Variants in HMGCLL1 observed in about 807,000 individuals in gnomAD.
HMGCLL1 encodes 3-hydroxymethyl-3-methylglutaryl-CoA lyase, cytoplasmic.
In HMGCLL1, 36 loss-of-function variants were observed where a neutral mutation model predicts 39.1. The observed-to-expected ratio is 0.92, with a 90% CI of 0.71 to 1.22. The LOEUF (loss-of-function observed/expected upper bound fraction) is 1.22. Ranked by LOEUF, HMGCLL1 falls within the 50% of genes most tolerant of loss-of-function variation. The pLI is 0.00. For synonymous variants in HMGCLL1, 149 were observed against 144.0 expected (o/e 1.03, Z -0.25); for missense variants, 451 against 416.5 (o/e 1.08, Z -0.72).
the HMGCLL1 span, among the ~76,000 whole-genome samples, chr6:55,645,414 G>A: frequency 3.0e-4 from 46 of 151,968 alleles, no homozygotes; most frequent in Non-Finnish European, 2.9e-5. Context: ...GATTGCTCTA[G>A]CTAAGACTTC....
intron 7 of HMGCLL1, among the ~76,000 whole-genome samples, chr6:55,460,005 T>G (rs1045946173): frequency 3.3e-5 from 5 of 152,044 alleles, no homozygotes; most frequent in African/African-American, 1.2e-4. Context: ...GTAAGTACTA[T>G]GGCATTTCTT....
intron 7 of HMGCLL1, among the ~76,000 whole-genome samples, chr6:55,453,210 G>A (rs753345441): frequency 1.3e-5 from 2 of 152,052 alleles, no homozygotes; most frequent in Non-Finnish European, 2.9e-5. Flanking sequence ...ACGGAATCTC[G>A]CTCTGTCGCC....
intron 1 of HMGCLL1, among the ~76,000 whole-genome samples, chr6:55,560,630 C>A (rs1770902140): frequency 6.6e-6 from 1 of 152,106 alleles, no homozygotes; most frequent in African/African-American, 2.4e-5. Flanking sequence ...GAAAAGTAAA[C>A]CTTCCAATCA....
At chr6:55,583,001 A>T (rs2127482694), upstream of HMGCLL1, among the ~76,000 whole-genome samples, 1 of 152,188 alleles carries the variant, frequency 6.6e-6, no homozygotes, top group East Asian at 1.9e-4. Flanking sequence ...GAATCTTTGT[A>T]TGTATAATTA....
At chr6:55,472,546 C>G (rs1004123225) in intron 7 of HMGCLL1, among the ~76,000 whole-genome samples, 1 of 151,364 alleles carries the variant, frequency 6.6e-6, no homozygotes, top group Non-Finnish European at 1.5e-5. Flanking sequence ...TATATTAATT[C>G]AAAATATCTT....
At chr6:55,584,605 A>G in the HMGCLL1 span, among the ~76,000 whole-genome samples, 1 of 152,100 alleles carries the variant, frequency 6.6e-6, no homozygotes, top group Non-Finnish European at 1.5e-5. Flanking sequence ...AGGCAGACTG[A>G]CTATACCAAT....
chr6:55,672,918 T>C, the HMGCLL1 span, among the ~76,000 whole-genome samples: 6 of 152,046 alleles, frequency 3.9e-5, no homozygotes, highest in Admixed American at 3.3e-4. Context: ...ACACTAATAT[T>C]GGAATTTTTT....
chr6:55,495,628 C>A, intron 6 of HMGCLL1, 21 bp from the exon 7 acceptor site: 4 of 1,536,862 alleles, frequency 2.6e-6, no homozygotes, highest in Non-Finnish European at 3.5e-6. Context: ...AGGTGAAGTG[C>A]TAGTAAAATA....
At chr6:55,492,213 A>T (rs1766348993) in intron 7 of HMGCLL1, among the ~76,000 whole-genome samples, 1 of 152,192 alleles carries the variant, frequency 6.6e-6, no homozygotes, top group Admixed American at 6.5e-5. Context: ...TCCATTTTTT[A>T]AAAATGAAGT....
the HMGCLL1 span, among the ~76,000 whole-genome samples, chr6:55,615,981 C>T: frequency 3.9e-5 from 6 of 152,092 alleles, no homozygotes; most frequent in African/African-American, 1.4e-4. Flanking sequence ...CTTACATTCC[C>T]TTAAAATTTT....
the HMGCLL1 span, among the ~76,000 whole-genome samples, chr6:55,614,051 T>G: frequency 6.6e-6 from 1 of 152,174 alleles, no homozygotes; most frequent in Non-Finnish European, 1.5e-5. Flanking sequence ...TAATGTCATT[T>G]TTTCTAAAAT....
intron 5 of HMGCLL1, among the ~76,000 whole-genome samples, chr6:55,503,742 T>G (rs1581867178): frequency 1.3e-5 from 2 of 151,738 alleles, no homozygotes; most frequent in East Asian, 3.9e-4. Flanking sequence ...TCCCCTGCAT[T>G]TGCCATTTAA....
chr6:55,453,765 G>A (rs550343165), intron 7 of HMGCLL1, among the ~76,000 whole-genome samples: 13 of 152,102 alleles, frequency 8.5e-5, no homozygotes, highest in Non-Finnish European at 1.8e-4. Context: ...TGAAGCATAA[G>A]GAAAAAGATT....
chr6:55,627,887 A>AG, the HMGCLL1 span, among the ~76,000 whole-genome samples: 1 of 43,442 alleles, frequency 2.3e-5, no homozygotes, highest in African/African-American at 9.6e-5. Context: ...TCCCTTATAT[A>AG]TATATATATA....
intron 1 of HMGCLL1, among the ~76,000 whole-genome samples, chr6:55,568,573 A>G (rs901620062): frequency 6.6e-6 from 1 of 152,160 alleles, no homozygotes. Flanking sequence ...CAGGGGTTAT[A>G]TTGGGCTCAC....
the HMGCLL1 span, among the ~76,000 whole-genome samples, chr6:55,595,238 A>G: frequency 6.6e-6 from 1 of 152,222 alleles, no homozygotes; most frequent in Non-Finnish European, 1.5e-5. Flanking sequence ...ACATCCGAAC[A>G]AATATAAGTA....
chr6:55,549,171 T>C (rs2127463394), intron 1 of HMGCLL1, among the ~76,000 whole-genome samples: 1 of 151,948 alleles, frequency 6.6e-6, no homozygotes, highest in Non-Finnish European at 1.5e-5. Flanking sequence ...ATTGCTATAT[T>C]GAAGGTTAAG....
chr6:55,641,866 AT>A, the HMGCLL1 span, among the ~76,000 whole-genome samples: 1,187 of 129,372 alleles, frequency 9.2e-3, 20 homozygotes, highest in African/African-American at 0.026. Flanking sequence ...TTTTTTTTTA[AT>A]TTTTTTTTAT....
chr6:55,468,241 C>T (rs1043374153), intron 7 of HMGCLL1, among the ~76,000 whole-genome samples: 2 of 151,884 alleles, frequency 1.3e-5, no homozygotes, highest in African/African-American at 4.8e-5. Flanking sequence ...AGGTTTAATG[C>T]TTTTTGAATT....
Sources: gnomAD v4.1 joint callset for allele counts (sites outside exome capture counted in the v4.1 genomes callset) on GRCh38, gnomAD v4.1.1 for gene constraint, MANE v1.5 for transcripts, NCBI Gene and HGNC (gene_info 2026-07-23, HGNC 2026-07-21) for gene names.